The following CNKSR2 variants were observed in gnomAD, a reference collection of about 807,000 sequenced individuals.
The protein encoded by CNKSR2 is CNK homolog protein 2.
CNKSR2 carries 14 observed loss-of-function variants against 84.4 expected under a neutral mutation model. The observed-to-expected ratio is 0.17, with a 90% CI of 0.11 to 0.26. CNKSR2 has a LOEUF of 0.26. CNKSR2 is among the 10% of genes least tolerant of loss of function. The pLI, the probability that CNKSR2 is intolerant of heterozygous loss-of-function variation, is 1.00. For synonymous variants in CNKSR2, 275 were observed against 277.9 expected, an observed-to-expected ratio of 0.99 and a Z score of 0.10; for missense variants, 485 against 771.2, an observed-to-expected ratio of 0.63 and a Z score of 4.40.
intron 3 of CNKSR2, among the ~76,000 whole-genome samples, chrX:21,434,570 T>C (rs2090678587): frequency 8.9e-6 from 1 of 111,824 alleles, no homozygotes; most frequent in African/African-American, 3.2e-5. Context: ...AACTTTAGTT[T>C]ATTCCTTCAA....
chrX:21,497,258 G>A (rs1485550289), intron 6 of CNKSR2, among the ~76,000 whole-genome samples: 2 of 110,988 alleles, frequency 1.8e-5, no homozygotes, highest in Non-Finnish European at 3.8e-5. Context: ...TTATCAATAA[G>A]AAAGGTGGAA....
intron 20 of CNKSR2, chrX:21,644,832 T>C (rs1012842693): frequency 5.4e-5 from 6 of 112,049 alleles, no homozygotes; most frequent in African/African-American, 1.9e-4. Flanking sequence ...TATAGAGTAA[T>C]ACATGTATAT....
At chrX:21,448,439 T>C (rs1202957981) in intron 4 of CNKSR2, among the ~76,000 whole-genome samples, 4 of 111,715 alleles carry the variant, frequency 3.6e-5, no homozygotes, top group African/African-American at 1.3e-4. Flanking sequence ...GGGAAGGCAC[T>C]AAGGTTAGTA....
At chrX:21,613,558 G>A (rs1357208671) in intron 20 of CNKSR2, among the ~76,000 whole-genome samples, 4 of 112,093 alleles carry the variant, frequency 3.6e-5, no homozygotes, top group Non-Finnish European at 7.5e-5. Flanking sequence ...CTATTACCTT[G>A]GAGCCACTGT....
intron 11 of CNKSR2, among the ~76,000 whole-genome samples, chrX:21,536,830 T>G (rs937748216): frequency 6.1e-5 from 5 of 81,833 alleles, no homozygotes; most frequent in Non-Finnish European, 8.6e-5. Context: ...CTTCTGTAGG[T>G]TTTTTTTTTT....
At position 21,531,931 on chromosome X, in the gene CNKSR2, A is replaced by G. The variant is rs192503719; in HGVS notation, c.1167A>G (p.Glu389=). The G allele has an allele frequency of 3.3e-6, 4 of 1,203,814 alleles. No homozygotes were observed. The South Asian group carries it at 5.3e-5, about 16-fold the overall frequency. The change falls in exon 11 of 22, where the codon GAA becomes GAG. Residue 389 remains glutamate, a synonymous_variant. Transcript: ENST00000379510. ...MVGKPVHKGS[E]SPNSFLDQEY... is the part of the protein sequence containing the mutation. ...GCAAGCCAGTGCATAAGGGATCTGA[A>G]TCACCAAATTCATTTCTGGATCAGG...
intron 16 of CNKSR2, 70 bp from the exon 17 acceptor site, chrX:21,595,254 G>T (rs2092445135): frequency 2.4e-6 from 2 of 828,667 alleles, no homozygotes; most frequent in Non-Finnish European, 3.6e-6. Context: ...AGGTAATTTT[G>T]CCCGTCAGAA....
At chrX:21,563,162 T>TAAA in intron 12 of CNKSR2, 76 bp from the exon 13 acceptor site, 1 of 836,649 alleles carries the variant, frequency 1.2e-6, no homozygotes, top group Non-Finnish European at 1.7e-6. Flanking sequence ...GCCAACCTAA[T>TAAA]AGCACAATTG....
intron 11 of CNKSR2, among the ~76,000 whole-genome samples, chrX:21,533,677 A>G (rs2091904513): frequency 9.0e-6 from 1 of 111,555 alleles, no homozygotes; most frequent in Non-Finnish European, 1.9e-5. Context: ...GAAAATTTAG[A>G]TAGCCTATAA....
chrX:21,620,271 A>T (rs1041346072), intron 20 of CNKSR2, among the ~76,000 whole-genome samples: 9 of 110,299 alleles, frequency 8.2e-5, no homozygotes, highest in Admixed American at 6.8e-4. Flanking sequence ...TTTACTATTA[A>T]AGATGCTTAA....
chrX:21,518,375 T>A (rs564207230), intron 9 of CNKSR2, among the ~76,000 whole-genome samples: 1 of 111,425 alleles, frequency 9.0e-6, no homozygotes, highest in Non-Finnish European at 1.9e-5. Flanking sequence ...ACCTCTTCTT[T>A]AGTCCCTCAT....
intron 17 of CNKSR2, among the ~76,000 whole-genome samples, chrX:21,595,698 G>A (rs1208505513): frequency 3.6e-5 from 4 of 111,928 alleles, no homozygotes; most frequent in African/African-American, 1.3e-4. Flanking sequence ...TTGACTCCCA[G>A]ATGGGGGAAA....
intron 9 of CNKSR2, among the ~76,000 whole-genome samples, chrX:21,522,955 C>A (rs1405702886): frequency 9.0e-6 from 1 of 110,779 alleles, no homozygotes; most frequent in African/African-American, 3.3e-5. Flanking sequence ...CTAACACTAG[C>A]AAATTGACAG....
intron 4 of CNKSR2, among the ~76,000 whole-genome samples, chrX:21,465,441 A>T (rs2091114524): frequency 9.0e-6 from 1 of 111,641 alleles, no homozygotes; most frequent in African/African-American, 3.2e-5. Flanking sequence ...TTCATTGCTT[A>T]AATTAACCCC....
At chrX:21,417,407 T>G (rs1231462669) in intron 1 of CNKSR2, among the ~76,000 whole-genome samples, 2 of 111,910 alleles carry the variant, frequency 1.8e-5, no homozygotes, top group East Asian at 5.6e-4. Context: ...GATGAAATAT[T>G]CTATACATGT....
chrX:21,575,104 G>T (rs754867388), intron 13 of CNKSR2, among the ~76,000 whole-genome samples: 2 of 111,321 alleles, frequency 1.8e-5, no homozygotes, highest in East Asian at 5.7e-4. Context: ...CAAGGGATCT[G>T]TTGGCCTGTC....
intron 1 of CNKSR2, among the ~76,000 whole-genome samples, chrX:21,396,147 T>G (rs1010509778): frequency 9.0e-6 from 1 of 111,650 alleles, no homozygotes; most frequent in African/African-American, 3.2e-5. Flanking sequence ...GAGTCTTAAC[T>G]ATTCACACTG....
chrX:21,416,814 C>T (rs1207312056), intron 1 of CNKSR2, among the ~76,000 whole-genome samples: 2 of 109,087 alleles, frequency 1.8e-5, no homozygotes, highest in Admixed American at 9.6e-5. Flanking sequence ...TTATTTGGGT[C>T]GTCTTTCTTA....
At chrX:21,509,173 G>T (rs2091644907) in intron 8 of CNKSR2, among the ~76,000 whole-genome samples, 1 of 111,874 alleles carries the variant, frequency 8.9e-6, no homozygotes, top group East Asian at 2.8e-4. Flanking sequence ...TATTAAAAAA[G>T]ATATATGTAA....
Sources: allele counts gnomAD v4.1 joint callset (sites outside exome capture counted in the v4.1 genomes callset), GRCh38; gene constraint gnomAD v4.1.1; transcripts MANE v1.5; gene names NCBI Gene and HGNC (gene_info 2026-07-23, HGNC 2026-07-21).